SPATA24: variants seen among roughly 807,000 people sequenced by gnomAD.
SPATA24 encodes spermatogenesis-associated protein 24.
Under a neutral mutation model 28.9 loss-of-function variants are expected in SPATA24, and 21 were observed. The ratio of observed to expected loss-of-function variants is 0.73; its 90% CI spans 0.52 to 1.05. The LOEUF (loss-of-function observed/expected upper bound fraction) is 1.05. Among genes scored for constraint, SPATA24 ranks in the 50% least tolerant of loss-of-function variants. SPATA24 has a pLI of 0.00. For synonymous variants in SPATA24, 76 were observed against 89.9 expected, an observed-to-expected ratio of 0.85 and a Z score of 0.88; for missense variants, 215 against 242.9, an observed-to-expected ratio of 0.88 and a Z score of 0.76.
chr5:139,400,690 C>T (rs1026875961), intron 4 of SPATA24, among the ~76,000 whole-genome samples: 1 of 152,168 alleles, frequency 6.6e-6, no homozygotes, highest in Non-Finnish European at 1.5e-5. Flanking sequence ...GTAGCTGACT[C>T]AGAAGGTGCC....
chr5:139,393,285 G>A (rs1425333684), downstream of SPATA24: 31 of 1,550,042 alleles, frequency 2.0e-5, no homozygotes, highest in Non-Finnish European at 2.4e-5. Context: ...ACTTATCCGC[G>A]TCCAGGGTGC....
At chr5:139,394,024 G>T, downstream of SPATA24, 2 of 1,550,682 alleles carry the variant, frequency 1.3e-6, no homozygotes, top group Non-Finnish European at 1.7e-6. Context: ...AGTCTTCCGC[G>T]CCTCCTGGAT....
chr5:139,402,744 G>A (rs943176162), intron 1 of SPATA24, 51 bp from the exon 2 acceptor site: 8 of 1,423,208 alleles, frequency 5.6e-6, no homozygotes, highest in African/African-American at 1.4e-5. Context: ...TAGAAGGGGC[G>A]CCCTCTAGGG....
At chr5:139,403,903 C>A in intron 1 of SPATA24, 41 bp downstream of exon 1, 2 of 1,498,946 alleles carry the variant, frequency 1.3e-6, no homozygotes, top group Non-Finnish European at 1.8e-6. Flanking sequence ...ACCAGTGAGG[C>A]ATCCGGCCCC....
intron 4 of SPATA24, among the ~76,000 whole-genome samples, chr5:139,400,686 G>A (rs1244758552): frequency 1.3e-5 from 2 of 152,166 alleles, no homozygotes; most frequent in African/African-American, 2.4e-5. Flanking sequence ...ATGTGTAGCT[G>A]ACTCAGAAGG....
At position 139,404,040 on chromosome 5, in the gene SPATA24, C is replaced by T. The variant is rs746625944; in HGVS notation, c.21G>A (p.Trp7Ter). The T allele has an allele frequency of 5.2e-5, 80 of 1,551,700 alleles. No homozygotes were observed. Among genetic ancestry groups the T allele is most frequent in the Non-Finnish European group, 6.7e-5 (77 of 1,147,052 alleles). The part of the protein sequence containing the change: MATPLG[W>*]SKAGSGSVCL... ...ACACAGATCCTGACCCCGCCTTCGA[C>T]CACCCGAGGGGCGTCGCCATCTTCC... Residue 7 changes from tryptophan (W) to a stop codon, truncating the protein, a stop_gained, in exon 1 of 6, where the codon TGG (tryptophan) becomes TGA (stop). Coordinates refer to ENST00000450845, the MANE Select transcript of SPATA24 (RefSeq NM_194296.2). LOFTEE classifies it high-confidence loss of function.
intron 2 of SPATA24, 103 bp from the exon 3 acceptor site, chr5:139,402,148 C>T: frequency 7.1e-7 from 1 of 1,399,982 alleles, no homozygotes; most frequent in Non-Finnish European, 9.4e-7. Context: ...GAAGCCAGAG[C>T]ACAGGGAGAT....
chr5:139,400,702 C>T (rs1176252903), intron 4 of SPATA24, among the ~76,000 whole-genome samples: 1 of 152,144 alleles, frequency 6.6e-6, no homozygotes, highest in Non-Finnish European at 1.5e-5. Context: ...GAAGGTGCCC[C>T]ACAACTTATG....
downstream of SPATA24, chr5:139,394,587 G>A (rs1758661115): frequency 2.0e-6 from 3 of 1,529,962 alleles, no homozygotes; most frequent in African/African-American, 1.4e-5. Context: ...TGGCCCAGCG[G>A]GAGCCACCAT....
At chr5:139,397,608 G>A (rs1758739969) in intron 4 of SPATA24, among the ~76,000 whole-genome samples, 1 of 150,852 alleles carries the variant, frequency 6.6e-6, no homozygotes, top group Non-Finnish European at 1.5e-5. Flanking sequence ...AGGCTGGAGT[G>A]CAGTGGCATG....
downstream of SPATA24, chr5:139,392,771 C>G (rs776699579): frequency 2.2e-5 from 31 of 1,439,798 alleles, no homozygotes; most frequent in South Asian, 4.4e-4. The surrounding 1 kb of genome is among the most constrained non-coding windows in gnomAD (Gnocchi z 5.8). Context: ...CCGTCGCCGT[C>G]GGGGACCAGG....
chr5:139,393,836 A>G (rs1409783953), downstream of SPATA24: 1 of 1,550,764 alleles, frequency 6.4e-7, no homozygotes, highest in Admixed American at 2.0e-5. Flanking sequence ...TCCCACGGGG[A>G]CAGGTTCTGG....
At chr5:139,394,140 C>T (rs1228834108), downstream of SPATA24, 3 of 1,546,770 alleles carry the variant, frequency 1.9e-6, no homozygotes, top group South Asian at 2.4e-5. Context: ...GGCTGGGCCA[C>T]GGCCTCGGGG....
At chr5:139,393,054 C>A, downstream of SPATA24, 1 of 1,531,924 alleles carries the variant, frequency 6.5e-7, no homozygotes, top group Non-Finnish European at 8.8e-7. Flanking sequence ...TGTAGTGAGC[C>A]GGGGCGGGGG....
At chr5:139,403,897 G>C in intron 1 of SPATA24, 47 bp downstream of exon 1, 2 of 1,478,558 alleles carry the variant, frequency 1.4e-6, no homozygotes, top group Non-Finnish European at 1.8e-6. Flanking sequence ...GCCCCCACCA[G>C]TGAGGCATCC....
downstream of SPATA24, chr5:139,394,204 T>A: frequency 6.5e-7 from 1 of 1,548,588 alleles, no homozygotes; most frequent in Non-Finnish European, 8.7e-7. Context: ...CTTAGCCTTC[T>A]CCAGGACCAC....
Position 139,396,846 on chromosome 5 carries a change from G to C in SPATA24, c.572C>G (p.Ser191Ter). ...QVLDQKHKKA[S>*]GTRQARSHQH... ...GTGGCTGCGGGCCTGACGTGTCCCT[G>C]AGGCTTTCTTATGCTTCTGGTCCAG... The change falls in exon 6 of 6, where the codon TCA becomes TGA. Residue 191 changes from serine (S) to a stop codon, truncating the protein, a stop_gained. Coordinates refer to ENST00000450845, the MANE Select transcript of SPATA24 (RefSeq NM_194296.2). LOFTEE classifies it high-confidence loss of function. The C allele has an allele frequency of 6.4e-7, 1 of 1,551,732 alleles. No individual in the cohort carries two copies. Among genetic ancestry groups the C allele is most frequent in the Admixed American group, 2.0e-5 (1 of 51,006 alleles).
intron 4 of SPATA24, 176 bp downstream of exon 4, chr5:139,401,579 C>T (rs1758822091): frequency 1.4e-6 from 1 of 723,482 alleles, no homozygotes; most frequent in Non-Finnish European, 2.5e-6. Context: ...TCCCTCATTT[C>T]CGTGGCCTGC....
At position 139,401,478 on chromosome 5, in the gene SPATA24, A is replaced by G. The variant is rs1372552531; in HGVS notation, c.385+277T>C. 16 of 620,202 alleles carry G rather than the reference A, an allele frequency of 2.6e-5. No individual in the cohort carries two copies. The East Asian group carries it at 2.7e-4, about 11-fold the overall frequency. The allele number at this position is 620,202 out of a possible 1,614,324, so 38.4% of individuals were successfully genotyped here. ...AGTAACCCATCAAAAGTGGGAAAAC[A>G]AAAGGTGGACTAAGAAGGTTGTATG... On this transcript the variant is annotated intron_variant, in intron 4 of 5. Transcript: ENST00000450845.
Sources: gnomAD v4.1 joint callset for allele counts (sites outside exome capture counted in the v4.1 genomes callset) on GRCh38, gnomAD v4.1.1 for gene constraint, Gnocchi (gnomAD v3.1) non-coding constraint, MANE v1.5 for transcripts, NCBI Gene and HGNC (gene_info 2026-07-23, HGNC 2026-07-21) for gene names.